GRM3: variants seen among roughly 807,000 people sequenced by gnomAD.
GRM3 encodes glutamate metabotropic receptor 3.
A neutral mutation model predicts 70.5 loss-of-function variants in GRM3; 26 were observed. That is an observed-to-expected ratio of 0.37 (90% CI 0.27 to 0.51). GRM3 has a LOEUF of 0.51. GRM3 is among the 20% of genes least tolerant of loss of function. The pLI, the probability that GRM3 is intolerant of heterozygous loss-of-function variation, is 0.93. For synonymous variants in GRM3, 443 were observed against 434.9 expected (o/e 1.02, Z -0.23); for missense variants, 859 against 1,123.8 (o/e 0.76, Z 3.37).
chr7:86,698,569 T>C (rs939212726), intron 1 of GRM3, among the ~76,000 whole-genome samples: 6 of 144,936 alleles, frequency 4.1e-5, no homozygotes, highest in East Asian at 1.9e-4. Context: ...TATATAATTA[T>C]ATATATACAA....
intron 1 of GRM3, among the ~76,000 whole-genome samples, chr7:86,668,930 A>G (rs1021123619): frequency 1.3e-5 from 2 of 152,126 alleles, no homozygotes; most frequent in African/African-American, 4.8e-5. Context: ...AGCTCCTGCT[A>G]GGGTTTGCTT....
At chr7:86,837,688 A>G (rs1325954568) in intron 3 of GRM3, among the ~76,000 whole-genome samples, 1 of 152,128 alleles carries the variant, frequency 6.6e-6, no homozygotes, top group Admixed American at 6.6e-5. Context: ...CACAGCTTCA[A>G]GATGGAAGGA....
chr7:86,738,106 CTG>C (rs1355641532), intron 1 of GRM3, among the ~76,000 whole-genome samples: 1 of 152,034 alleles, frequency 6.6e-6, no homozygotes, highest in African/African-American at 2.4e-5. Context: ...CAGGAAGGGG[CTG>C]TGTATTTATT....
intron 4 of GRM3, among the ~76,000 whole-genome samples, chr7:86,844,078 GAA>G (rs1174691048): frequency 6.6e-6 from 1 of 152,154 alleles, no homozygotes; most frequent in Admixed American, 6.5e-5. Context: ...TGGAGCAGAT[GAA>G]ACAATTTACC....
chr7:86,811,344 T>C (rs1241833256), intron 3 of GRM3, among the ~76,000 whole-genome samples: 4 of 151,918 alleles, frequency 2.6e-5, no homozygotes, highest in Non-Finnish European at 5.9e-5. Context: ...AAGCCATTTT[T>C]AGACCAGCCC....
At chr7:86,645,457 A>G (rs952937628) in intron 1 of GRM3, among the ~76,000 whole-genome samples, 2 of 152,122 alleles carry the variant, frequency 1.3e-5, no homozygotes, top group East Asian at 3.9e-4. Context: ...AAAAATCGAA[A>G]AGCCAGACAG....
chr7:86,695,491 T>TAATTAA (rs1439265891), intron 1 of GRM3, among the ~76,000 whole-genome samples: 1 of 152,152 alleles, frequency 6.6e-6, no homozygotes, highest in African/African-American at 2.4e-5. Context: ...CAACTTAATC[T>TAATTAA]GTAACAGGTA....
chr7:86,815,166 G>A (rs769148748), intron 3 of GRM3, among the ~76,000 whole-genome samples: 1 of 151,604 alleles, frequency 6.6e-6, no homozygotes, highest in Non-Finnish European at 1.5e-5. Context: ...GAGGGGGAAC[G>A]GGAAAAAGAA....
At chr7:86,748,354 T>A (rs952127109) in intron 1 of GRM3, among the ~76,000 whole-genome samples, 1 of 151,998 alleles carries the variant, frequency 6.6e-6, no homozygotes, top group African/African-American at 2.4e-5. Flanking sequence ...GAATTCGAAG[T>A]CATTTGGAGG....
chr7:86,782,096 T>G (rs2116512444), intron 2 of GRM3, among the ~76,000 whole-genome samples: 1 of 152,312 alleles, frequency 6.6e-6, no homozygotes, highest in South Asian at 2.1e-4. Context: ...GTTAGCAAAC[T>G]TTGTTCTAGA....
intron 3 of GRM3, among the ~76,000 whole-genome samples, chr7:86,820,451 G>A (rs956201250): frequency 2.6e-5 from 4 of 152,082 alleles, no homozygotes; most frequent in Non-Finnish European, 4.4e-5. Context: ...TCAAATAAAT[G>A]CAGCAGGTAG....
At chr7:86,824,792 T>TTA (rs113465064) in intron 3 of GRM3, among the ~76,000 whole-genome samples, 1,807 of 151,942 alleles carry the variant, frequency 0.012, 35 homozygotes, top group African/African-American at 0.04. Context: ...TGCAACAAAT[T>TTA]TATATATATA....
chr7:86,722,804 G>T lies in GRM3; in HGVS notation c.-140-42202G>T, dbSNP rs146311847. Among the ~76,000 whole-genome samples the T allele has an allele frequency of 2.0e-5, 3 of 152,160 alleles. No individual in the cohort carries two copies. In the East Asian group the frequency reaches 5.8e-4, roughly 29 times the overall value. On this transcript the variant is annotated intron_variant, in intron 1 of 5. Coordinates refer to ENST00000361669, the MANE Select transcript of GRM3 (RefSeq NM_000840.3). ...GAAAAATGACTTATCTAGCAAATTT[G>T]AGAACAACTCCTCTTTACGTTGTAA...
intron 1 of GRM3, among the ~76,000 whole-genome samples, chr7:86,683,873 A>G (rs1320132503): frequency 1.3e-5 from 2 of 152,162 alleles, no homozygotes; most frequent in African/African-American, 2.4e-5. Flanking sequence ...TATGTGACAC[A>G]TGATCATGGT....
chr7:86,856,013 A>G (rs1174648491), intron 5 of GRM3, among the ~76,000 whole-genome samples: 1 of 152,216 alleles, frequency 6.6e-6, no homozygotes, highest in African/African-American at 2.4e-5. Flanking sequence ...CCACAGGTAT[A>G]TCATACACGT....
chr7:86,671,402 G>A (rs1364601973), intron 1 of GRM3, among the ~76,000 whole-genome samples: 2 of 152,134 alleles, frequency 1.3e-5, no homozygotes, highest in African/African-American at 2.4e-5. Context: ...TTTATGTCCT[G>A]AAGTTAGCAC....
chr7:86,761,647 C>T (rs879710495), intron 1 of GRM3, among the ~76,000 whole-genome samples: 16 of 152,100 alleles, frequency 1.1e-4, no homozygotes, highest in South Asian at 8.3e-4. Flanking sequence ...TATACCAGAA[C>T]GTAAACAAAG....
chr7:86,830,254 G>A (rs775568893), intron 3 of GRM3, among the ~76,000 whole-genome samples: 1 of 152,138 alleles, frequency 6.6e-6, no homozygotes, highest in Admixed American at 6.5e-5. Flanking sequence ...GAGTAAGCTG[G>A]GGTTTTATGT....
chr7:86,655,998 T>C (rs1793732866), intron 1 of GRM3, among the ~76,000 whole-genome samples: 1 of 152,256 alleles, frequency 6.6e-6, no homozygotes, highest in African/African-American at 2.4e-5. Flanking sequence ...AACAGACTCT[T>C]ACTTTGAGAT....
Sources: gnomAD v4.1 joint callset for allele counts (sites outside exome capture counted in the v4.1 genomes callset) on GRCh38, gnomAD v4.1.1 for gene constraint, MANE v1.5 for transcripts, NCBI Gene and HGNC (gene_info 2026-07-23, HGNC 2026-07-21) for gene names.